Variants in PRKCH observed in about 807,000 individuals in gnomAD.
PRKCH encodes protein kinase C eta, also known as protein kinase C eta type.
Under a neutral mutation model 82.5 loss-of-function variants are expected in PRKCH, and 28 were observed. That is an observed-to-expected ratio of 0.34 (90% CI 0.25 to 0.47). The LOEUF is 0.47. Among genes scored for constraint, PRKCH ranks in the 20% least tolerant of loss-of-function variants. The pLI is 1.00. For missense variants in PRKCH, 705 were observed against 881.8 expected (o/e 0.80, Z 2.54); for synonymous variants, 322 against 327.4 (o/e 0.98, Z 0.18).
At chr14:61,393,001 CT>C (rs1171952599) in intron 2 of PRKCH, among the ~76,000 whole-genome samples, 1 of 152,124 alleles carries the variant, frequency 6.6e-6, no homozygotes, top group East Asian at 1.9e-4. Context: ...AAAGTCTCCC[CT>C]GGCCCCTTGA....
chr14:61,327,123 C>T lies in PRKCH; in HGVS notation c.363+4659C>T, dbSNP rs780143880. ...GGCTGTTTTCCTGGTTCAGCCCTCC[C>T]GAAGACATTGTGTTCTCTGCAGCCC... On this transcript the variant is annotated intron_variant, in intron 1 of 13. Transcript: ENST00000332981. 1.3e-4 allele frequency: 60 copies of T among 455,996 alleles called. 1 individual carries two copies. Among genetic ancestry groups the T allele is most frequent in the African/African-American group, 9.8e-4 (49 of 50,168 alleles). The allele number at this position is 455,996 out of a possible 1,614,324, so 28.2% of individuals were successfully genotyped here. A position where few individuals can be genotyped will look rare whatever the true frequency, so the allele number is the denominator to read the frequency against.
At chr14:61,255,348 C>T (rs2044987965) in intron 1 of PRKCH, among the ~76,000 whole-genome samples, 1 of 152,194 alleles carries the variant, frequency 6.6e-6, no homozygotes, top group Non-Finnish European at 1.5e-5. Context: ...ACAGGATAAA[C>T]TTGACACTTG....
chr14:61,510,179 G>A (rs1887316288), intron 10 of PRKCH, among the ~76,000 whole-genome samples: 1 of 152,152 alleles, frequency 6.6e-6, no homozygotes, highest in Admixed American at 6.5e-5. Flanking sequence ...GGTAGATGGG[G>A]GTGAGAACCT....
At chr14:61,270,727 C>T (rs568194532) in intron 1 of PRKCH, among the ~76,000 whole-genome samples, 65 of 152,176 alleles carry the variant, frequency 4.3e-4, no homozygotes, top group Non-Finnish European at 8.7e-4. Context: ...AATCCCAGCA[C>T]GTAGTGAGAC....
chr14:61,536,991 CAGTG>C (rs2043118394), intron 12 of PRKCH, among the ~76,000 whole-genome samples: 1 of 152,178 alleles, frequency 6.6e-6, no homozygotes. Flanking sequence ...AGTGCAGAAT[CAGTG>C]GGTGCGGGGG....
At chr14:61,302,485 G>A (rs953677533) in intron 1 of PRKCH, among the ~76,000 whole-genome samples, 7 of 152,126 alleles carry the variant, frequency 4.6e-5, no homozygotes, top group African/African-American at 1.7e-4. Flanking sequence ...AAACGGATTT[G>A]TCAGCCTCTT....
chr14:61,249,541 G>T (rs1594873488), intron 1 of PRKCH, among the ~76,000 whole-genome samples: 1 of 151,240 alleles, frequency 6.6e-6, no homozygotes, highest in East Asian at 1.9e-4. Context: ...AAAAAAAAGG[G>T]AAGTGTTGAC....
chr14:61,448,380 A>G (rs557130734), intron 4 of PRKCH, among the ~76,000 whole-genome samples: 2 of 152,354 alleles, frequency 1.3e-5, no homozygotes, highest in African/African-American at 4.8e-5. Flanking sequence ...GAATGAAAAA[A>G]ATGTTATTCC....
intron 2 of PRKCH, among the ~76,000 whole-genome samples, chr14:61,415,544 A>G (rs9323371): frequency 0.015 from 2,226 of 152,282 alleles, 43 homozygotes; most frequent in African/African-American, 0.049. Context: ...ATTTTACAGG[A>G]ATTTTTGACA....
chr14:61,504,630 G>T (rs1317598479), intron 10 of PRKCH, among the ~76,000 whole-genome samples: 1 of 152,150 alleles, frequency 6.6e-6, no homozygotes, highest in Non-Finnish European at 1.5e-5. Context: ...TCTGTAGGAG[G>T]GGAATTTCTC....
chr14:61,234,033 G>A (rs11847717), intron 1 of PRKCH, among the ~76,000 whole-genome samples: 41,768 of 152,036 alleles, frequency 0.27, 6,012 homozygotes, highest in African/African-American at 0.35. Flanking sequence ...CACAGGTGTA[G>A]CACTGGCCTA....
At chr14:61,484,765 T>G (rs991414874) in intron 9 of PRKCH, among the ~76,000 whole-genome samples, 6 of 74,718 alleles carry the variant, frequency 8.0e-5, no homozygotes, top group African/African-American at 4.4e-4. Context: ...TTTGGCTTCC[T>G]TTTTTTTTTT....
intron 1 of PRKCH, among the ~76,000 whole-genome samples, chr14:61,189,760 C>G (rs1289082791): frequency 6.7e-6 from 1 of 149,298 alleles, no homozygotes; most frequent in East Asian, 2.0e-4. Flanking sequence ...TTTTTCCTCT[C>G]TCATCACTCG....
upstream of PRKCH, among the ~76,000 whole-genome samples, chr14:61,319,792 C>A (rs1008110861): frequency 2.6e-5 from 4 of 152,226 alleles, no homozygotes; most frequent in Admixed American, 6.5e-5. Flanking sequence ...GCAGGCTTTA[C>A]AAGCCCTGCC....
At chr14:61,368,051 G>A (rs1186432993) in intron 1 of PRKCH, among the ~76,000 whole-genome samples, 1 of 151,972 alleles carries the variant, frequency 6.6e-6, no homozygotes, top group Non-Finnish European at 1.5e-5. Flanking sequence ...CTTAGTATGA[G>A]GGCCTTGGAG....
intron 2 of PRKCH, among the ~76,000 whole-genome samples, chr14:61,428,928 C>G (rs1883260968): frequency 1.3e-5 from 2 of 152,008 alleles, no homozygotes; most frequent in South Asian, 4.1e-4. Context: ...ATATGTGTAA[C>G]TATAGTTTTT....
intron 12 of PRKCH, among the ~76,000 whole-genome samples, chr14:61,546,353 A>G (rs2043257489): frequency 6.6e-6 from 1 of 152,192 alleles, no homozygotes; most frequent in Non-Finnish European, 1.5e-5. Flanking sequence ...CCTGCCTCCA[A>G]CCCAGAACCA....
At chr14:61,467,574 T>C (rs762331097) in intron 9 of PRKCH, among the ~76,000 whole-genome samples, 4 of 152,230 alleles carry the variant, frequency 2.6e-5, no homozygotes, top group African/African-American at 9.6e-5. Context: ...GAAGAGGCCC[T>C]GTGACAGAGG....
intron 1 of PRKCH, among the ~76,000 whole-genome samples, chr14:61,347,582 C>T (rs1258979357): frequency 1.3e-5 from 2 of 152,248 alleles, no homozygotes; most frequent in African/African-American, 2.4e-5. Flanking sequence ...GATTCAATTA[C>T]TCCTAAGTAG....
Sources: allele counts gnomAD v4.1 joint callset (sites outside exome capture counted in the v4.1 genomes callset), GRCh38; gene constraint gnomAD v4.1.1; transcripts MANE v1.5; gene names NCBI Gene and HGNC (gene_info 2026-07-23, HGNC 2026-07-21).